Variants in ZNF839 observed in about 807,000 individuals in gnomAD.
The protein encoded by ZNF839 is zinc finger protein 839.
Under a neutral mutation model 56.4 loss-of-function variants are expected in ZNF839, and 38 were observed. That is an observed-to-expected ratio of 0.67 (90% CI 0.52 to 0.88). The LOEUF is 0.88. ZNF839 is among the 40% of genes least tolerant of loss of function. The pLI is 0.00. For synonymous variants in ZNF839, 486 were observed against 493.5 expected (o/e 0.98, Z 0.20); for missense variants, 1,091 against 1,177.6 (o/e 0.93, Z 1.08).
At chr14:102,335,055 G>A (rs1025432790) in intron 4 of ZNF839, 4 of 154,160 alleles carry the variant, frequency 2.6e-5, no homozygotes, top group Admixed American at 1.3e-4. Context: ...ACCGTGCCCA[G>A]CTCATAGTTG....
chr14:102,334,896 T>C (rs2139559776), intron 4 of ZNF839: 1 of 183,986 alleles, frequency 5.4e-6, no homozygotes, highest in Non-Finnish European at 1.1e-5. Context: ...GCATGCACCA[T>C]CATACCCGGC....
chr14:102,319,012 A>AT (rs544146815), upstream of ZNF839, among the ~76,000 whole-genome samples: 608 of 152,310 alleles, frequency 4.0e-3, 5 homozygotes, highest in African/African-American at 0.014. This position sits in a 1 kb window ranked among gnomAD's most constrained non-coding sequence, Gnocchi z 4.5. Flanking sequence ...CAGCTACAAG[A>AT]TTCGGAGGGC....
At position 102,338,875 on chromosome 14, in the gene ZNF839, C is replaced by G. The variant is rs748658294; in HGVS notation, c.1719C>G (p.Asn573Lys). 1.9e-6 allele frequency: 3 copies of G among 1,613,808 alleles called. No homozygotes were observed. The highest frequency in any genetic ancestry group is 1.3e-5 in the African/African-American group (1 of 74,892). The change falls in exon 6 of 8, where the codon AAC (asparagine) becomes AAG (lysine). Residue 573 changes from asparagine (N) to lysine (K), a missense_variant. By Grantham distance (94) the Asn-to-Lys change is moderately conservative. Coordinates refer to ENST00000442396, the MANE Select transcript of ZNF839 (RefSeq NM_018335.6). ...FLRKKEIHPD[N>K]LGPKHLSRDM... The stretch of plus-strand genomic sequence containing the variant: ...GGAAGAAAGAAATACACCCAGACAA[C>G]CTTGGACCCAAGCACCTCAGCCGAG...
At chr14:102,325,897 C>T in intron 1 of ZNF839, 88 bp from the exon 2 acceptor site, 1 of 1,424,242 alleles carries the variant, frequency 7.0e-7, no homozygotes, top group Non-Finnish European at 9.5e-7. Flanking sequence ...GAAAAAATGT[C>T]AATAATGGTT....
chr14:102,340,853 C>G (rs1454359194), intron 7 of ZNF839, among the ~76,000 whole-genome samples: 3 of 151,892 alleles, frequency 2.0e-5, no homozygotes, highest in Admixed American at 2.0e-4. Flanking sequence ...GGGTGGCTCA[C>G]AAGGTGAGGA....
rs781136173 is a variant in ZNF839 at position 102,326,392 on chromosome 14, G to C, written c.696G>C (p.Leu232Phe). ...CAGCACATCCATTTATTTCCAACTT[G>C]CATACAAGACATACTGAGAAACTAA... Reference protein sequence around the residue: ...SSSAHPFISNLHTRHTEKLKK... With the variant: ...SSSAHPFISNFHTRHTEKLKK... The change falls in exon 2 of 8, where the codon TTG becomes TTC. Residue 232 changes from leucine to phenylalanine, a missense_variant. Around this residue, in one of 3 missense-constraint regions of ZNF839, gnomAD observed 614 missense variants for 629.2 expected, o/e 0.98. Coordinates refer to ENST00000442396, the MANE Select transcript of ZNF839 (RefSeq NM_018335.6). This position sits in a 1 kb window ranked among gnomAD's most constrained non-coding sequence, Gnocchi z 4.3. The C allele has an allele frequency of 1.2e-6, 2 of 1,612,512 alleles. No individual in the cohort carries two copies. Among genetic ancestry groups the C allele is most frequent in the South Asian group, 1.1e-5 (1 of 90,920 alleles).
intron 5 of ZNF839, among the ~76,000 whole-genome samples, chr14:102,338,258 C>T (rs1317090405): frequency 6.6e-6 from 1 of 152,200 alleles, no homozygotes; most frequent in Non-Finnish European, 1.5e-5. Context: ...CTGTTCTGGG[C>T]TGAGCACAGT....
Position 102,341,351 on chromosome 14 carries a change from C to G in ZNF839, c.1956C>G (p.Val652=). ...TTTCCCCTCCAGTAAATGTGACTGTCTCTCCCCGTTCTGAAGAAAGCCATA... is the reference window on the plus strand; with the variant it reads ...TTTCCCCTCCAGTAAATGTGACTGTGTCTCCCCGTTCTGAAGAAAGCCATA... ...AGFSPPVNVT[V]SPRSEESHTT... is the part of the protein sequence containing the mutation. Residue 652 remains valine, a synonymous_variant, in exon 8 of 8, where the codon GTC becomes GTG. Coordinates refer to ENST00000442396, the MANE Select transcript of ZNF839 (RefSeq NM_018335.6). 1 of 1,524,924 alleles carries G rather than the reference C, an allele frequency of 6.6e-7. No homozygotes were observed. Among genetic ancestry groups the G allele is most frequent in the Non-Finnish European group, 8.8e-7 (1 of 1,137,984 alleles). 94.5% of individuals were successfully genotyped at this position (1,524,924 alleles called of 1,614,324 possible).
chr14:102,321,286 G>C (rs1214840030), intron 1 of ZNF839, among the ~76,000 whole-genome samples: 1 of 152,210 alleles, frequency 6.6e-6, no homozygotes, highest in Admixed American at 6.5e-5. Context: ...TTTTTGTACC[G>C]GCATTTTGCA....
intron 7 of ZNF839, among the ~76,000 whole-genome samples, chr14:102,340,792 C>CTGGG: frequency 6.6e-6 from 1 of 152,218 alleles, no homozygotes; most frequent in South Asian, 2.1e-4. Flanking sequence ...ATCACTGTTG[C>CTGGG]TGGGTGTGGT....
intron 7 of ZNF839, among the ~76,000 whole-genome samples, chr14:102,339,757 AAGG>A: frequency 6.6e-6 from 1 of 152,028 alleles, no homozygotes; most frequent in East Asian, 2.0e-4. Flanking sequence ...TCAAAAAAAA[AAGG>A]AGAGCCACCA....
chr14:102,328,041 A>G (rs1315073530), intron 2 of ZNF839, among the ~76,000 whole-genome samples: 1 of 151,856 alleles, frequency 6.6e-6, no homozygotes, highest in Non-Finnish European at 1.5e-5. Flanking sequence ...GCATTATCAC[A>G]TCAAAAAATT....
intron 1 of ZNF839, among the ~76,000 whole-genome samples, chr14:102,322,501 A>G (rs2073182869): frequency 6.6e-6 from 1 of 152,252 alleles, no homozygotes; most frequent in East Asian, 1.9e-4. Flanking sequence ...TAAATACATT[A>G]TTAGTCTGGC....
At chr14:102,320,848 G>A (rs1204380723) in intron 1 of ZNF839, among the ~76,000 whole-genome samples, 1 of 152,174 alleles carries the variant, frequency 6.6e-6, no homozygotes, top group Admixed American at 6.5e-5. Context: ...GAAGCATAGC[G>A]CCTGAAGCCA....
intron 1 of ZNF839, among the ~76,000 whole-genome samples, chr14:102,322,442 C>T (rs981210299): frequency 6.6e-6 from 1 of 152,192 alleles, no homozygotes; most frequent in Non-Finnish European, 1.5e-5. Flanking sequence ...ATTAACTAAA[C>T]AAAGTATCAA....
At chr14:102,336,926 G>A (rs992761245) in intron 5 of ZNF839, 3 of 203,294 alleles carry the variant, frequency 1.5e-5, no homozygotes, top group Non-Finnish European at 3.0e-5. Flanking sequence ...TAGAGAAGGG[G>A]TCTCGCTGTG....
At chr14:102,318,736 A>G (rs921075957), upstream of ZNF839, among the ~76,000 whole-genome samples, 1 of 152,156 alleles carries the variant, frequency 6.6e-6, no homozygotes, top group Non-Finnish European at 1.5e-5. Flanking sequence ...ATTGATGAGG[A>G]TGGTGGTGAT....
intron 1 of ZNF839, among the ~76,000 whole-genome samples, chr14:102,320,606 C>T (rs2073077483): frequency 1.3e-5 from 2 of 152,198 alleles, no homozygotes; most frequent in African/African-American, 4.8e-5. Context: ...AGGCTTGGAA[C>T]AAAGTCAAGC....
At chr14:102,340,737 A>T (rs1358375698) in intron 7 of ZNF839, among the ~76,000 whole-genome samples, 1 of 152,030 alleles carries the variant, frequency 6.6e-6, no homozygotes, top group Non-Finnish European at 1.5e-5. Context: ...TCTCCAGCTC[A>T]CTCTGATGAA....
Sources: allele counts gnomAD v4.1 joint callset (sites outside exome capture counted in the v4.1 genomes callset), GRCh38; gene constraint gnomAD v4.1.1; regional missense constraint gnomAD v4.1.1; non-coding constraint Gnocchi (gnomAD v3.1); transcripts MANE v1.5; gene names NCBI Gene and HGNC (gene_info 2026-07-23, HGNC 2026-07-21).